Variants in CPEB4 observed in about 807,000 individuals in gnomAD.
CPEB4 encodes the protein cytoplasmic polyadenylation element-binding protein 4.
Under a neutral mutation model 72.5 loss-of-function variants are expected in CPEB4, and 12 were observed. The ratio of observed to expected loss-of-function variants is 0.17; its 90% CI spans 0.11 to 0.27. CPEB4 has a LOEUF of 0.27. Ranked by LOEUF, CPEB4 falls within the 10% of genes least tolerant of loss-of-function variation. The probability of loss-of-function intolerance (pLI) is 1.00; values close to 1 mark genes in which losing one functional copy is unlikely to be tolerated. For synonymous variants in CPEB4, 302 were observed against 326.3 expected (o/e 0.93, Z 0.80); for missense variants, 614 against 908.5 (o/e 0.68, Z 4.17).
Position 173,949,452 on chromosome 5 carries a change from T to C in CPEB4, c.1457-56T>C, listed in dbSNP as rs914999003. 3.8e-6 allele frequency: 5 copies of C among 1,324,982 alleles called. No individual in the cohort carries two copies. The South Asian group carries it at 3.8e-5, about 10-fold the overall frequency. 82.1% of individuals were successfully genotyped at this position (1,324,982 alleles called of 1,614,324 possible). A position where few individuals can be genotyped will look rare whatever the true frequency, so the allele number is the denominator to read the frequency against. On this transcript the variant is annotated intron_variant, in intron 5 of 9. Transcript: ENST00000265085. ...GATTTGAAACTTAAAAGAAAAACTT[T>C]CAAAAAATGATCATAAAAATATTTA...
chr5:173,935,952 T>C (rs1757606705), intron 3 of CPEB4, among the ~76,000 whole-genome samples: 1 of 152,200 alleles, frequency 6.6e-6, no homozygotes, highest in South Asian at 2.1e-4. Context: ...ATACCACTCA[T>C]GTTAAAAGGC....
At chr5:173,940,695 A>T (rs572126013) in intron 3 of CPEB4, among the ~76,000 whole-genome samples, 2 of 152,376 alleles carry the variant, frequency 1.3e-5, no homozygotes, top group East Asian at 3.9e-4. Context: ...GTATTACAAT[A>T]AGTGGAAATA....
Position 173,890,574 on chromosome 5 carries a change from C to G in CPEB4, c.841C>G (p.Pro281Ala), listed in dbSNP as rs768464847. The G allele has an allele frequency of 6.2e-7, 1 of 1,614,102 alleles. No homozygotes were observed. The highest frequency in any genetic ancestry group is 1.1e-5 in the South Asian group (1 of 91,082). The change falls in exon 1 of 10, where the codon CCC (proline) becomes GCC (alanine). Residue 281 changes from proline (P) to alanine (A), a missense_variant. Around this residue, in one of 5 missense-constraint regions of CPEB4, gnomAD observed 458 missense variants for 548.6 expected, o/e 0.83. Coordinates refer to ENST00000265085, the MANE Select transcript of CPEB4 (RefSeq NM_030627.4). The part of the protein sequence containing the change: ...LPHLANNLNK[P>A]PSPWSSYQSP... The stretch of plus-strand genomic sequence containing the variant: ...TCATTTGGCGAATAATCTTAACAAA[C>G]CCCCCTCTCCGTGGAGCAGCTACCA...
At chr5:173,917,198 G>A (rs547677172) in intron 2 of CPEB4, among the ~76,000 whole-genome samples, 28 of 152,094 alleles carry the variant, frequency 1.8e-4, no homozygotes, top group Non-Finnish European at 3.5e-4. Flanking sequence ...TTTTCAAAAT[G>A]AAAGGAAGTC....
intron 3 of CPEB4, among the ~76,000 whole-genome samples, chr5:173,941,433 A>G (rs554977826): frequency 2.0e-5 from 3 of 152,260 alleles, no homozygotes; most frequent in Admixed American, 6.5e-5. Context: ...TAAGTGTGGC[A>G]GAAATGTATT....
At chr5:173,923,085 A>G (rs1757127362) in intron 2 of CPEB4, among the ~76,000 whole-genome samples, 1 of 152,210 alleles carries the variant, frequency 6.6e-6, no homozygotes, top group African/African-American at 2.4e-5. Flanking sequence ...AAATTCTTAT[A>G]TCAGATATAA....
chr5:173,943,002 GT>G, intron 3 of CPEB4, 23 bp from the exon 4 acceptor site: 1 of 1,602,204 alleles, frequency 6.2e-7, no homozygotes. Context: ...TTTTGTTTTT[GT>G]TTTTTTCTCA....
At chr5:173,912,918 C>CAAAA (rs397959791) in intron 2 of CPEB4, among the ~76,000 whole-genome samples, 3 of 88,970 alleles carry the variant, frequency 3.4e-5, no homozygotes, top group African/African-American at 7.9e-5. Context: ...GACCCTGTCT[C>CAAAA]AAAAAAAAAA....
chr5:173,927,797 G>GA (rs1457785505), intron 2 of CPEB4, among the ~76,000 whole-genome samples: 1 of 151,944 alleles, frequency 6.6e-6, no homozygotes, highest in African/African-American at 2.4e-5. Flanking sequence ...AGATAGATTT[G>GA]AAAAAATCCT....
At chr5:173,945,212 C>T (rs1757979049) in intron 5 of CPEB4, 72 bp downstream of exon 5, 1 of 1,305,038 alleles carries the variant, frequency 7.7e-7, no homozygotes, top group Non-Finnish European at 1.1e-6. Context: ...GATAGTGTTA[C>T]AATAACAGTC....
At chr5:173,926,102 G>A (rs771634932) in intron 2 of CPEB4, among the ~76,000 whole-genome samples, 3 of 152,214 alleles carry the variant, frequency 2.0e-5, no homozygotes, top group Non-Finnish European at 2.9e-5. Context: ...TATAGATAGC[G>A]TGAAATCTAA....
chr5:173,924,314 T>A (rs570237963), intron 2 of CPEB4, among the ~76,000 whole-genome samples: 1 of 152,314 alleles, frequency 6.6e-6, no homozygotes, highest in South Asian at 2.1e-4. Context: ...TCTTTGCCAG[T>A]TTGGCTTTGA....
intron 3 of CPEB4, among the ~76,000 whole-genome samples, chr5:173,933,253 G>A (rs374709494): frequency 2.6e-5 from 4 of 152,130 alleles, no homozygotes; most frequent in Non-Finnish European, 5.9e-5. Flanking sequence ...TAAGTCCCAC[G>A]ACCTCTAAGA....
chr5:173,953,726 C>CTTTTTTTTTTTTT, intron 9 of CPEB4, among the ~76,000 whole-genome samples: 1 of 141,628 alleles, frequency 7.1e-6, no homozygotes, highest in Non-Finnish European at 1.6e-5. Context: ...TCACAGATTT[C>CTTTTTTTTTTTTT]TTTTTTTTTT....
chr5:173,947,932 T>A (rs901949273), intron 5 of CPEB4, among the ~76,000 whole-genome samples: 2 of 151,880 alleles, frequency 1.3e-5, no homozygotes, highest in African/African-American at 4.8e-5. Flanking sequence ...CCAGAAAGCA[T>A]GAAAGTGCTT....
rs1387501264 is a variant in CPEB4, at chr5:173,950,456, T to C, written c.1665+378T>C. Among the ~76,000 whole-genome samples, 4 of 151,852 alleles carry C rather than the reference T, an allele frequency of 2.6e-5. No homozygotes were observed. Among genetic ancestry groups the C allele is most frequent in the Non-Finnish European group, 4.4e-5 (3 of 67,980 alleles). On this transcript the variant is annotated intron_variant, in intron 7 of 9. Coordinates refer to ENST00000265085, the MANE Select transcript of CPEB4 (RefSeq NM_030627.4). The surrounding 1 kb of genome is among the most constrained non-coding windows in gnomAD (Gnocchi z 5.0). ...CCAGTCTTTACTGAAAATACAAAAA[T>C]TAGCCAGGCATGGTGGCGCACATCT...
chr5:173,913,198 CTTTTT>C (rs201042615), intron 2 of CPEB4, among the ~76,000 whole-genome samples: 1 of 139,106 alleles, frequency 7.2e-6, no homozygotes. Flanking sequence ...ACACATTATT[CTTTTT>C]TTTTTTTTTT....
At position 173,955,429 on chromosome 5, in the gene CPEB4, G is replaced by A. The variant is rs1429447799; in HGVS notation, c.1963-481G>A. 2.0e-5 allele frequency among the ~76,000 whole-genome samples: 3 copies of A among 151,414 alleles called. No homozygotes were observed. Among genetic ancestry groups the A allele is most frequent in the South Asian group, 2.1e-4 (1 of 4,814 alleles). On this transcript the variant is annotated intron_variant, in intron 9 of 9. Transcript: ENST00000265085. This position sits in a 1 kb window ranked among gnomAD's most constrained non-coding sequence, Gnocchi z 4.7. The stretch of plus-strand genomic sequence containing the variant: ...AGAAACCACGAGCCAGGCTTTTTAC[G>A]ACAGCTCAGAATCTTGTGACGCAGT...
chr5:173,895,752 C>A (rs1467836693), intron 1 of CPEB4, among the ~76,000 whole-genome samples: 1 of 152,152 alleles, frequency 6.6e-6, no homozygotes, highest in Non-Finnish European at 1.5e-5. Flanking sequence ...AAATCTTCCT[C>A]TTTGTAGAAG....
Sources: allele counts gnomAD v4.1 joint callset (sites outside exome capture counted in the v4.1 genomes callset), GRCh38; gene constraint gnomAD v4.1.1; regional missense constraint gnomAD v4.1.1; non-coding constraint Gnocchi (gnomAD v3.1); transcripts MANE v1.5; gene names NCBI Gene and HGNC (gene_info 2026-07-23, HGNC 2026-07-21).